The following SIAH2 variants were observed in gnomAD, a reference collection of about 807,000 sequenced individuals.
The protein encoded by SIAH2 is siah E3 ubiquitin protein ligase 2, also known as E3 ubiquitin-protein ligase SIAH2.
A neutral mutation model predicts 20.4 loss-of-function variants in SIAH2; 4 were observed. The ratio of observed to expected loss-of-function variants is 0.20; its 90% confidence interval spans 0.10 to 0.45. SIAH2 has a LOEUF of 0.45. SIAH2 is among the 20% of genes least tolerant of loss of function. The pLI, the probability that SIAH2 is intolerant of heterozygous loss-of-function variation, is 0.99. For synonymous variants in SIAH2, 171 were observed against 192.5 expected (o/e 0.89, Z 0.93); for missense variants, 259 against 440.3 (o/e 0.59, Z 3.69).
rs1307567925 is a variant in SIAH2 at position 150,762,392 on chromosome 3, G to A, written c.417+41C>T. ...TGGGCTGGCGGATACCGGAGTCCCT[G>A]AGGTCACCGGCGGAGGTACGTGGGC... On this transcript the variant is annotated intron_variant, in intron 1 of 1. Transcript: ENST00000312960. The surrounding 1 kb of genome is among the most constrained non-coding windows in gnomAD (Gnocchi z 6.6). 6.3e-7 allele frequency: 1 copy of A among 1,583,782 alleles called. No homozygotes were observed.
intron 1 of SIAH2, among the ~76,000 whole-genome samples, chr3:150,751,568 C>T (rs987306005): frequency 2.0e-5 from 3 of 152,164 alleles, no homozygotes; most frequent in African/African-American, 7.2e-5. Flanking sequence ...TAAGGAAACA[C>T]TTACTGTTCA....
In SIAH2 at chr3:150,763,079, T is replaced by G; in HGVS notation, c.-230A>C. ...CGCCTCCGCGTCGGACCCCGCGCGGTGCCCTCCTCCCGGCGGCGTCCCGGG... is the reference window on the plus strand; with the variant it reads ...CGCCTCCGCGTCGGACCCCGCGCGGGGCCCTCCTCCCGGCGGCGTCCCGGG... On this transcript the variant is annotated 5_prime_UTR_variant, in exon 1 of 2. Coordinates refer to ENST00000312960, the MANE Select transcript of SIAH2 (RefSeq NM_005067.7). The surrounding 1 kb of genome is among the most constrained non-coding windows in gnomAD (Gnocchi z 4.1). The G allele has an allele frequency of 4.2e-6, 1 of 237,606 alleles. No homozygotes were observed. The highest frequency in any genetic ancestry group is 7.1e-6 in the Non-Finnish European group (1 of 140,674). The allele number at this position is 237,606 out of a possible 1,614,324, so 14.7% of individuals were successfully genotyped here.
intron 1 of SIAH2, among the ~76,000 whole-genome samples, chr3:150,748,447 ACTTAAC>A (rs1476762102): frequency 6.6e-6 from 1 of 152,206 alleles, no homozygotes; most frequent in African/African-American, 2.4e-5. Context: ...AGAACAAGTC[ACTTAAC>A]CTATTTAATT....
At chr3:150,759,220 G>A (rs1277278236) in intron 1 of SIAH2, among the ~76,000 whole-genome samples, 1 of 152,100 alleles carries the variant, frequency 6.6e-6, no homozygotes, top group East Asian at 1.9e-4. Flanking sequence ...CATATCAAAG[G>A]TGCTGGCAAC....
In SIAH2 at chr3:150,762,291, G is replaced by A; in HGVS notation, c.417+142C>T. On this transcript the variant is annotated intron_variant, in intron 1 of 1. Coordinates refer to ENST00000312960, the MANE Select transcript of SIAH2 (RefSeq NM_005067.7). This position sits in a 1 kb window ranked among gnomAD's most constrained non-coding sequence, Gnocchi z 6.6. Reference sequence around the variant, plus strand: ...CTACACCCAAAGTGGGCTTGAGGGAGGGTGGACGAAGTGTAAACATTTTTT... The same window carrying A: ...CTACACCCAAAGTGGGCTTGAGGGAAGGTGGACGAAGTGTAAACATTTTTT... 6.9e-7 allele frequency: 1 copy of A among 1,447,466 alleles called. No individual in the cohort carries two copies. The highest frequency in any genetic ancestry group is 9.1e-7 in the Non-Finnish European group (1 of 1,104,372). 89.7% of individuals were successfully genotyped at this position (1,447,466 alleles called of 1,614,324 possible).
intron 1 of SIAH2, among the ~76,000 whole-genome samples, chr3:150,749,239 C>T (rs999938463): frequency 1.3e-5 from 2 of 152,104 alleles, no homozygotes; most frequent in African/African-American, 4.8e-5. Context: ...TGGCTCAAGC[C>T]TGTAATCCAA....
At chr3:150,744,434 T>TA (rs916226180) in intron 1 of SIAH2, among the ~76,000 whole-genome samples, 21 of 152,324 alleles carry the variant, frequency 1.4e-4, no homozygotes, top group African/African-American at 4.8e-4. Flanking sequence ...AGCCTGGCTG[T>TA]AAAAAAACTC....
chr3:150,761,929 C>CTT, intron 1 of SIAH2: 1 of 155,404 alleles, frequency 6.4e-6, no homozygotes, highest in Admixed American at 6.5e-5. Flanking sequence ...TGTAGGCGCC[C>CTT]TTTTTTTAGC....
rs1448887821 is a variant in SIAH2, at chr3:150,757,341, AAGAAACTGACCTGTAT to A, written c.417+5076_417+5091del. On this transcript the variant is annotated intron_variant, in intron 1 of 1. Coordinates refer to ENST00000312960, the MANE Select transcript of SIAH2 (RefSeq NM_005067.7). ...CTCTTAAAGACCCTCAGGTGCAAAA[AAGAAACTGACCTGTAT>A]AGAGTCAAACATCTAGTCACAAGGC... Among the ~76,000 whole-genome samples, 8 of 152,352 alleles carry A rather than the reference AAGAAACTGACCTGTAT, an allele frequency of 5.3e-5. No individual in the cohort carries two copies. In the East Asian group the frequency reaches 1.5e-3, roughly 29 times the overall value.
At chr3:150,745,558 C>T (rs887127258) in intron 1 of SIAH2, among the ~76,000 whole-genome samples, 11 of 151,514 alleles carry the variant, frequency 7.3e-5, no homozygotes, top group East Asian at 1.9e-4. Context: ...TGCAGTGGCG[C>T]GATCTCGGTT....
At chr3:150,757,279 G>T (rs1450461982) in intron 1 of SIAH2, among the ~76,000 whole-genome samples, 1 of 152,110 alleles carries the variant, frequency 6.6e-6, no homozygotes, top group African/African-American at 2.4e-5. Context: ...TTTAGGGTAA[G>T]AAAGAACCTT....
At chr3:150,760,983 T>C (rs1714598350) in intron 1 of SIAH2, among the ~76,000 whole-genome samples, 1 of 152,268 alleles carries the variant, frequency 6.6e-6, no homozygotes, top group Non-Finnish European at 1.5e-5. Context: ...TGAAACACCC[T>C]AGTCCAAACA....
In SIAH2 at chr3:150,742,634, CAT is replaced by C; in HGVS notation, c.480_481del (p.Ile160MetfsTer2). 1.9e-6 allele frequency: 3 copies of C among 1,596,994 alleles called. No individual in the cohort carries two copies. Among genetic ancestry groups the C allele is most frequent in the Non-Finnish European group, 2.6e-6 (3 of 1,170,606 alleles). The stretch of plus-strand genomic sequence containing the variant: ...TGGGCAGGAGTAGGGACGGTATTCA[CAT>C]ATGTCTTCATGTTCTGGTTTCTCCG... On this transcript the variant is annotated frameshift_variant, in exon 2 of 2. Transcript: ENST00000312960. LOFTEE classifies it high-confidence loss of function. This position sits in a 1 kb window ranked among gnomAD's most constrained non-coding sequence, Gnocchi z 4.8.
At chr3:150,744,208 A>C (rs1039100361) in intron 1 of SIAH2, among the ~76,000 whole-genome samples, 1 of 152,180 alleles carries the variant, frequency 6.6e-6, no homozygotes, top group Non-Finnish European at 1.5e-5. Flanking sequence ...AGGATTCCGA[A>C]GCAAGGATGA....
At chr3:150,748,974 T>C (rs1020347989) in intron 1 of SIAH2, among the ~76,000 whole-genome samples, 4 of 152,150 alleles carry the variant, frequency 2.6e-5, no homozygotes, top group African/African-American at 7.2e-5. Flanking sequence ...AACTGTGCTA[T>C]GATTATATAA....
intron 1 of SIAH2, among the ~76,000 whole-genome samples, chr3:150,743,560 G>A (rs1005957655): frequency 1.3e-5 from 2 of 152,196 alleles, no homozygotes; most frequent in Admixed American, 6.5e-5. Context: ...AGGCCCGGGA[G>A]GAAGCAGAAC....
chr3:150,752,741 C>G (rs1189847292), intron 1 of SIAH2, among the ~76,000 whole-genome samples: 1 of 152,164 alleles, frequency 6.6e-6, no homozygotes, highest in African/African-American at 2.4e-5. Flanking sequence ...TAACTGGGCA[C>G]TCTGTATTTA....
intron 1 of SIAH2, among the ~76,000 whole-genome samples, chr3:150,760,445 T>A (rs1168394938): frequency 6.6e-6 from 1 of 152,182 alleles, no homozygotes; most frequent in Non-Finnish European, 1.5e-5. Flanking sequence ...AACCCCTGAT[T>A]CCCAGAACTA....
At chr3:150,759,259 C>A (rs58418105) in intron 1 of SIAH2, among the ~76,000 whole-genome samples, 7,877 of 152,214 alleles carry the variant, frequency 0.052, 484 homozygotes, top group East Asian at 0.35. Context: ...TTACCCTAAA[C>A]CTAAGTGGGA....
Sources: gnomAD v4.1 joint callset for allele counts (sites outside exome capture counted in the v4.1 genomes callset) on GRCh38, gnomAD v4.1.1 for gene constraint, Gnocchi (gnomAD v3.1) non-coding constraint, MANE v1.5 for transcripts, NCBI Gene and HGNC (gene_info 2026-07-23, HGNC 2026-07-21) for gene names.